Variants in DHCR24 observed in about 807,000 individuals in gnomAD.
DHCR24 encodes the protein delta(24)-sterol reductase.
DHCR24 carries 28 observed loss-of-function variants against 61.2 expected under a neutral mutation model. The observed-to-expected ratio is 0.46, with a 90% confidence interval of 0.34 to 0.63. The LOEUF is 0.63. Among genes scored for constraint, DHCR24 ranks in the 20% least tolerant of loss-of-function variants. The pLI is 0.01. For missense variants in DHCR24, 538 were observed against 679.1 expected (o/e 0.79, Z 2.31); for synonymous variants, 261 against 275.9 (o/e 0.95, Z 0.54).
At chr1:54,870,305 C>A (rs752952137) in intron 5 of DHCR24, among the ~76,000 whole-genome samples, 50 of 151,972 alleles carry the variant, frequency 3.3e-4, no homozygotes, top group Non-Finnish European at 5.3e-4. Flanking sequence ...AGTGGTTACA[C>A]CCTGGCGTAA....
At position 54,851,000 on chromosome 1, in the gene DHCR24, G is replaced by C. The variant is rs1164069927; in HGVS notation, c.*1233C>G. The C allele has an allele frequency of 6.6e-6, 1 of 152,540 alleles. No homozygotes were observed. The highest frequency in any genetic ancestry group is 1.5e-5 in the Non-Finnish European group (1 of 68,042). The allele number at this position is 152,540 out of a possible 1,614,324, so 9.4% of individuals were successfully genotyped here. On this transcript the variant is annotated 3_prime_UTR_variant, in exon 9 of 9. Transcript: ENST00000371269. Reference sequence around the variant, plus strand: ...TTCTCAGATTCGGGTTTTCAGCTGAGGCTGGGCAGTTCTTAAGATAGAGTT... The same window carrying C: ...TTCTCAGATTCGGGTTTTCAGCTGACGCTGGGCAGTTCTTAAGATAGAGTT...
At chr1:54,863,552 A>G (rs2101563973) in intron 6 of DHCR24, among the ~76,000 whole-genome samples, 1 of 152,314 alleles carries the variant, frequency 6.6e-6, no homozygotes, top group Non-Finnish European at 1.5e-5. Context: ...TAAGCAAAAG[A>G]ATGGAGCCTG....
chr1:54,885,645 T>C (rs945079722), intron 1 of DHCR24, among the ~76,000 whole-genome samples: 1 of 147,960 alleles, frequency 6.8e-6, no homozygotes, highest in African/African-American at 2.4e-5. Context: ...TAGAGGCTAG[T>C]CCAGCTGGGC....
In DHCR24 at chr1:54,876,051, T is replaced by C. The variant is rs764079033; in HGVS notation, c.388-4A>G. 20 of 1,613,078 alleles carry C rather than the reference T, an allele frequency of 1.2e-5. No homozygotes were observed. Among genetic ancestry groups the C allele is most frequent in the Non-Finnish European group, 1.5e-5 (18 of 1,179,198 alleles). ...CCAAGGGCTCCACACGGACAATCTGTTGACACAAGAAAAGAGACCCTGGGT... is the reference window on the plus strand; with the variant it reads ...CCAAGGGCTCCACACGGACAATCTGCTGACACAAGAAAAGAGACCCTGGGT... On this transcript the variant is annotated splice_polypyrimidine_tract_variant and splice_region_variant and intron_variant, in intron 2 of 8. Transcript: ENST00000371269.
chr1:54,853,830 G>A (rs979845499), intron 7 of DHCR24, among the ~76,000 whole-genome samples: 3 of 152,202 alleles, frequency 2.0e-5, no homozygotes, highest in South Asian at 4.2e-4. Context: ...GGGAGTGCTC[G>A]ATGCCAGACC....
intron 6 of DHCR24, among the ~76,000 whole-genome samples, chr1:54,854,656 T>C (rs546621374): frequency 1.7e-4 from 26 of 152,338 alleles, no homozygotes; most frequent in Middle Eastern, 6.8e-3. Flanking sequence ...ACGAATGCTG[T>C]TGAATGAGCA....
chr1:54,881,081 C>T (rs192243827), intron 2 of DHCR24, among the ~76,000 whole-genome samples: 8 of 152,064 alleles, frequency 5.3e-5, no homozygotes, highest in African/African-American at 1.9e-4. Context: ...ACCTGGGAGG[C>T]GGAGGCTGCA....
chr1:54,863,847 TCAA>T (rs1165717787), intron 6 of DHCR24, among the ~76,000 whole-genome samples: 2 of 152,072 alleles, frequency 1.3e-5, no homozygotes, highest in African/African-American at 4.8e-5. Context: ...CTCTTACATC[TCAA>T]CAACAAAGAC....
rs183426821 is a variant in DHCR24, at chr1:54,854,958, C to A, written c.1021-724G>T. ...CTCTTCCCTCCAGCTCTGCCCACCT[C>A]CAACAGAGAAGACTTTGGCCCCTGG... On this transcript the variant is annotated intron_variant, in intron 6 of 8. Transcript: ENST00000371269. 6.6e-5 allele frequency among the ~76,000 whole-genome samples: 10 copies of A among 152,288 alleles called. No individual in the cohort carries two copies. The East Asian group carries it at 1.9e-3, about 29-fold the overall frequency.
chr1:54,878,335 G>A (rs1208210194), intron 2 of DHCR24, among the ~76,000 whole-genome samples: 2 of 80,730 alleles, frequency 2.5e-5, no homozygotes, highest in African/African-American at 4.6e-5. Context: ...ATGAAACCCC[G>A]CCTCTGCTAA....
chr1:54,868,522 C>T (rs1047611982), intron 5 of DHCR24, among the ~76,000 whole-genome samples: 1 of 152,036 alleles, frequency 6.6e-6, no homozygotes, highest in East Asian at 1.9e-4. Flanking sequence ...GTTCATTGCT[C>T]CATTAATTAA....
chr1:54,865,554 CTCTT>C (rs974599332), intron 5 of DHCR24, 108 bp from the exon 6 acceptor site: 8 of 1,444,288 alleles, frequency 5.5e-6, no homozygotes, highest in Non-Finnish European at 5.8e-6. Flanking sequence ...CTTTTCAAAG[CTCTT>C]TCATGTCTAT....
intron 6 of DHCR24, among the ~76,000 whole-genome samples, chr1:54,860,614 G>A (rs1369977947): frequency 6.6e-6 from 1 of 152,176 alleles, no homozygotes; most frequent in African/African-American, 2.4e-5. Context: ...CTAGAGTGTG[G>A]ATCACTGAAT....
chr1:54,852,579 G>A (rs1357092893), intron 8 of DHCR24, among the ~76,000 whole-genome samples, 193 bp from the exon 9 acceptor site: 1 of 152,182 alleles, frequency 6.6e-6, no homozygotes, highest in Admixed American at 6.5e-5. Flanking sequence ...TTGGGGCTTG[G>A]GGGTTAGGTA....
At chr1:54,882,982 A>T (rs555650226) in intron 2 of DHCR24, among the ~76,000 whole-genome samples, 30 of 151,990 alleles carry the variant, frequency 2.0e-4, no homozygotes, top group African/African-American at 5.8e-4. Context: ...TAAAGCTATT[A>T]AAAAAAATGG....
chr1:54,859,318 G>C (rs907741605), intron 6 of DHCR24, among the ~76,000 whole-genome samples: 2 of 151,976 alleles, frequency 1.3e-5, no homozygotes, highest in African/African-American at 4.8e-5. Context: ...GGACCACCCA[G>C]ATCAGCCACT....
chr1:54,886,577 G>C, intron 1 of DHCR24: 1 of 1,393,422 alleles, frequency 7.2e-7, no homozygotes, highest in Non-Finnish European at 9.5e-7. Context: ...CCTCCCGGAA[G>C]CCTTTCCTTC....
chr1:54,887,127 C>G lies in DHCR24; in HGVS notation c.-8G>C. 1 of 1,563,814 alleles carries G rather than the reference C, an allele frequency of 6.4e-7. No individual in the cohort carries two copies. The highest frequency in any genetic ancestry group is 8.7e-7 in the Non-Finnish European group (1 of 1,155,578). ...CGACACGGCGGGCTCCATGGTGCGG[C>G]GCCGCGCGGTAAGCGCTGCGGGTTC... On this transcript the variant is annotated 5_prime_UTR_variant, in exon 1 of 9. Coordinates refer to ENST00000371269, the MANE Select transcript of DHCR24 (RefSeq NM_014762.4).
chr1:54,867,720 A>G (rs1365542833), intron 5 of DHCR24, among the ~76,000 whole-genome samples: 4 of 152,284 alleles, frequency 2.6e-5, no homozygotes, highest in Middle Eastern at 3.4e-3. Context: ...GAGCAGCTGG[A>G]AAGCTCTGGT....
Sources: allele counts gnomAD v4.1 joint callset (sites outside exome capture counted in the v4.1 genomes callset), GRCh38; gene constraint gnomAD v4.1.1; transcripts MANE v1.5; gene names NCBI Gene and HGNC (gene_info 2026-07-23, HGNC 2026-07-21).